MYRIP: variants seen among roughly 807,000 people sequenced by gnomAD.
The protein encoded by MYRIP is myosin VIIA and Rab interacting protein.
MYRIP carries 49 observed loss-of-function variants against 98.0 expected under a neutral mutation model. The ratio of observed to expected loss-of-function variants is 0.50; its 90% CI spans 0.40 to 0.63. The LOEUF is 0.63. Ranked by LOEUF, MYRIP falls within the 30% of genes least tolerant of loss-of-function variation. The pLI is 0.00. For missense variants in MYRIP, 1,004 were observed against 1,058.2 expected, an observed-to-expected ratio of 0.95 and a Z score of 0.71; for synonymous variants, 404 against 409.5, an observed-to-expected ratio of 0.99 and a Z score of 0.16.
intron 1 of MYRIP, among the ~76,000 whole-genome samples, chr3:39,870,840 T>G (rs1244964381): frequency 6.6e-6 from 1 of 152,210 alleles, no homozygotes; most frequent in East Asian, 1.9e-4. Context: ...AGGGCTTTCT[T>G]TGGGTCTCAG....
chr3:39,844,331 C>G (rs913056865), intron 1 of MYRIP, among the ~76,000 whole-genome samples: 2 of 152,202 alleles, frequency 1.3e-5, no homozygotes, highest in African/African-American at 2.4e-5. Flanking sequence ...TGCGGAGCTA[C>G]CCTGAGTGGG....
At chr3:40,082,957 G>A (rs368843461) in intron 3 of MYRIP, among the ~76,000 whole-genome samples, 7 of 152,156 alleles carry the variant, frequency 4.6e-5, no homozygotes, top group South Asian at 2.1e-4. Context: ...TGGATCATTC[G>A]AGTGGGGAGC....
intron 3 of MYRIP, among the ~76,000 whole-genome samples, chr3:40,109,887 G>T (rs1949123728): frequency 6.6e-6 from 1 of 152,238 alleles, no homozygotes; most frequent in Non-Finnish European, 1.5e-5. Context: ...CTACAAGGAG[G>T]TAGTCTTAGT....
chr3:40,167,895 A>AG (rs1691416717), intron 7 of MYRIP, among the ~76,000 whole-genome samples: 1 of 152,148 alleles, frequency 6.6e-6, no homozygotes, highest in Non-Finnish European at 1.5e-5. Flanking sequence ...GGGTGTACAG[A>AG]GCTTCCATGC....
intron 9 of MYRIP, among the ~76,000 whole-genome samples, chr3:40,188,107 T>G (rs908445222): frequency 2.6e-5 from 4 of 152,218 alleles, no homozygotes; most frequent in African/African-American, 7.2e-5. Flanking sequence ...CAGTCTGAGC[T>G]GCAGTCAGGC....
At chr3:40,237,805 G>A (rs1043637226) in intron 12 of MYRIP, among the ~76,000 whole-genome samples, 7 of 152,100 alleles carry the variant, frequency 4.6e-5, no homozygotes, top group African/African-American at 1.7e-4. Flanking sequence ...TTACAAGTAT[G>A]GTACCAAAAA....
Position 40,258,023 on chromosome 3 carries a change from C to A in MYRIP, c.2548-111C>A. 5 of 1,208,386 alleles carry A rather than the reference C, an allele frequency of 4.1e-6. No homozygotes were observed. In the South Asian group the frequency reaches 4.9e-5, roughly 12 times the overall value. The allele number at this position is 1,208,386 out of a possible 1,614,324, so 74.9% of individuals were successfully genotyped here. A position where few individuals can be genotyped will look rare whatever the true frequency, so the allele number is the denominator to read the frequency against. On this transcript the variant is annotated intron_variant, in intron 16 of 16. Transcript: ENST00000302541. ...AAATGTTGTGAAACATCTAACTGGT[C>A]AAAAAGCATGAATAGCTTTTGATAT...
At chr3:39,931,130 T>A (rs1294752881) in intron 2 of MYRIP, among the ~76,000 whole-genome samples, 1 of 152,120 alleles carries the variant, frequency 6.6e-6, no homozygotes, top group African/African-American at 2.4e-5. Context: ...TGGAGAGTAC[T>A]GACATTTTAT....
intron 3 of MYRIP, among the ~76,000 whole-genome samples, chr3:40,128,258 C>A (rs918383429): frequency 2.0e-5 from 3 of 152,114 alleles, no homozygotes; most frequent in Admixed American, 6.5e-5. Flanking sequence ...GACTTATGTA[C>A]AGAAACAGTC....
intron 3 of MYRIP, among the ~76,000 whole-genome samples, chr3:40,052,884 T>C (rs2125840416): frequency 6.6e-6 from 1 of 152,288 alleles, no homozygotes; most frequent in African/African-American, 2.4e-5. Context: ...ATTAAAATGT[T>C]AGATTGAAAA....
At chr3:40,254,968 T>A (rs778526629) in intron 16 of MYRIP, among the ~76,000 whole-genome samples, 1 of 152,224 alleles carries the variant, frequency 6.6e-6, no homozygotes, top group East Asian at 1.9e-4. Flanking sequence ...ATTGTCCCTG[T>A]CTCATGAGGA....
intron 8 of MYRIP, among the ~76,000 whole-genome samples, chr3:40,179,713 G>A (rs577665893): frequency 7.0e-4 from 106 of 152,222 alleles, no homozygotes; most frequent in Non-Finnish European, 1.1e-3. Flanking sequence ...ATGCAACCAA[G>A]GATCACAAAC....
At chr3:40,235,954 G>T (rs1451762455) in intron 12 of MYRIP, among the ~76,000 whole-genome samples, 1 of 152,210 alleles carries the variant, frequency 6.6e-6, no homozygotes, top group African/African-American at 2.4e-5. Context: ...GGAGGGAGGA[G>T]AAGACAGTGC....
At chr3:39,983,478 G>T (rs752878673) in intron 2 of MYRIP, among the ~76,000 whole-genome samples, 5 of 152,088 alleles carry the variant, frequency 3.3e-5, no homozygotes, top group South Asian at 2.1e-4. Context: ...CGACAATTTT[G>T]ACCCTGATAA....
At chr3:39,933,596 C>T (rs1944590271) in intron 2 of MYRIP, among the ~76,000 whole-genome samples, 1 of 152,116 alleles carries the variant, frequency 6.6e-6, no homozygotes, top group Admixed American at 6.6e-5. Context: ...AAGTAAAATT[C>T]CCATACATCT....
chr3:40,065,076 T>C (rs1948098029), intron 3 of MYRIP, among the ~76,000 whole-genome samples: 2 of 152,184 alleles, frequency 1.3e-5, no homozygotes, highest in African/African-American at 4.8e-5. Context: ...GAAATCAAGG[T>C]GCAGGCAGGG....
At position 40,189,819 on chromosome 3, in the gene MYRIP, T is replaced by C. The variant is rs1260251582; in HGVS notation, c.1028-7T>C. 9.4e-6 allele frequency: 15 copies of C among 1,601,262 alleles called. No individual in the cohort carries two copies. The highest frequency in any genetic ancestry group is 1.3e-5 in the Non-Finnish European group (15 of 1,174,496). On this transcript the variant is annotated splice_polypyrimidine_tract_variant and splice_region_variant and intron_variant, in intron 9 of 16. Coordinates refer to ENST00000302541, the MANE Select transcript of MYRIP (RefSeq NM_015460.4). ...CTCTCTGCTTTCTCTATCCTCTCCA[T>C]CCACAGACCTGGCCCCAGTTTTGCA... is the stretch of plus-strand genomic sequence containing the variant.
intron 10 of MYRIP, among the ~76,000 whole-genome samples, chr3:40,204,413 C>T (rs1353769542): frequency 6.7e-6 from 1 of 149,526 alleles, no homozygotes; most frequent in Non-Finnish European, 1.5e-5. Context: ...AACTCCTGAC[C>T]TCAAATGATC....
At chr3:40,141,509 A>C (rs2125561842) in intron 3 of MYRIP, among the ~76,000 whole-genome samples, 1 of 152,294 alleles carries the variant, frequency 6.6e-6, no homozygotes, top group African/African-American at 2.4e-5. Context: ...TTATTTATAA[A>C]ATCCTTTTTC....
Sources: gnomAD v4.1 joint callset for allele counts (sites outside exome capture counted in the v4.1 genomes callset) on GRCh38, gnomAD v4.1.1 for gene constraint, MANE v1.5 for transcripts, NCBI Gene and HGNC (gene_info 2026-07-23, HGNC 2026-07-21) for gene names.